The following NME9 variants were observed in gnomAD, a reference collection of about 807,000 sequenced individuals.
NME9 encodes NME/NM23 family member 9.
In NME9, 48 loss-of-function variants were observed where a neutral mutation model predicts 44.4. That is an observed-to-expected ratio of 1.08 (90% confidence interval 0.86 to 1.37). The LOEUF (loss-of-function observed/expected upper bound fraction) is 1.37, where lower values mean the gene tolerates loss of function less well. NME9 is among the 40% of genes most tolerant of loss of function. NME9 has a pLI of 0.00. For missense variants in NME9, 325 were observed against 405.2 expected (o/e 0.80, Z 1.70); for synonymous variants, 139 against 147.1 (o/e 0.94, Z 0.40).
rs574263976 is a variant in NME9, at chr3:138,267,376, G to A, written c.746-4790C>T. ...TTCGGAATTGTTTGATTGCATAGCG[G>A]TAGGGGTGTGCAAATAAATCATTCA... On this transcript the variant is annotated intron_variant, in intron 8 of 8. Coordinates refer to the NME9 transcript ENST00000317876. 1.9e-5 allele frequency: 10 copies of A among 517,550 alleles called. No individual in the cohort carries two copies. The East Asian group carries it at 3.1e-4, about 16-fold the overall frequency. 32.1% of individuals were successfully genotyped at this position (517,550 alleles called of 1,614,324 possible).
chr3:138,308,804 A>G (rs950840010), intron 6 of NME9, among the ~76,000 whole-genome samples: 2 of 152,176 alleles, frequency 1.3e-5, no homozygotes, highest in East Asian at 3.8e-4. Context: ...TTGACACAGT[A>G]TGTTTGAAGT....
intron 9 of NME9, 147 bp from the exon 10 acceptor site, chr3:138,303,790 G>A: frequency 1.4e-6 from 1 of 715,552 alleles, no homozygotes; most frequent in Non-Finnish European, 2.3e-6. Flanking sequence ...AAGAACAGCA[G>A]CAATGATAAT....
chr3:138,268,914 A>G (rs933228934), intron 8 of NME9, among the ~76,000 whole-genome samples: 46 of 152,218 alleles, frequency 3.0e-4, no homozygotes, highest in African/African-American at 1.1e-3. Flanking sequence ...TTAATTTATT[A>G]TTACCTTTCC....
At chr3:138,278,377 A>C (rs890019088) in intron 8 of NME9, among the ~76,000 whole-genome samples, 4 of 151,900 alleles carry the variant, frequency 2.6e-5, no homozygotes, top group African/African-American at 7.3e-5. Flanking sequence ...ATGGTCACGC[A>C]CCTGTAGTCC....
At chr3:138,296,001 G>A, downstream of NME9, 1 of 1,227,432 alleles carries the variant, frequency 8.1e-7, no homozygotes, top group Non-Finnish European at 1.1e-6. Context: ...TGGACTGCAG[G>A]GAGCTGTTTT....
chr3:138,279,442 A>G (rs2049651356), intron 8 of NME9, among the ~76,000 whole-genome samples: 1 of 152,118 alleles, frequency 6.6e-6, no homozygotes, highest in Non-Finnish European at 1.5e-5. Context: ...GTTAGATTCA[A>G]TTTACTGAAA....
At chr3:138,295,788 A>G in intron 8 of NME9, 1 of 1,555,680 alleles carries the variant, frequency 6.4e-7, no homozygotes, top group Non-Finnish European at 8.9e-7. Flanking sequence ...AGCTATCATC[A>G]TTGAACCATA....
intron 6 of NME9, among the ~76,000 whole-genome samples, chr3:138,311,873 C>T (rs186612870): frequency 1.3e-4 from 20 of 152,084 alleles, no homozygotes; most frequent in Non-Finnish European, 2.5e-4. Context: ...TCAAAGACCC[C>T]ACCAAAAAAC....
intron 8 of NME9, chr3:138,274,677 A>T: frequency 1.5e-6 from 1 of 652,180 alleles, no homozygotes. Flanking sequence ...AATAGGAAGA[A>T]ATATCTTCCA....
chr3:138,292,823 C>A (rs1414388492), intron 8 of NME9, among the ~76,000 whole-genome samples: 1 of 152,114 alleles, frequency 6.6e-6, no homozygotes, highest in Non-Finnish European at 1.5e-5. Flanking sequence ...GGACTAAGGA[C>A]CAAGATCTAG....
intron 4 of NME9, among the ~76,000 whole-genome samples, chr3:138,316,696 C>T (rs1016667234): frequency 1.3e-4 from 19 of 151,896 alleles, no homozygotes; most frequent in African/African-American, 3.6e-4. Context: ...CTCACTGCAA[C>T]CTCCGCCTCC....
intron 8 of NME9, among the ~76,000 whole-genome samples, chr3:138,280,153 C>G (rs1296191951): frequency 6.6e-6 from 1 of 152,108 alleles, no homozygotes; most frequent in Non-Finnish European, 1.5e-5. Context: ...ATCTGCCCAC[C>G]TCGGCCTCCC....
intron 6 of NME9, among the ~76,000 whole-genome samples, chr3:138,311,559 C>T (rs937454083): frequency 2.6e-5 from 4 of 152,106 alleles, no homozygotes; most frequent in Admixed American, 6.5e-5. Context: ...GGATTCATCC[C>T]AGGGATGTAA....
intron 8 of NME9, chr3:138,263,927 A>C: frequency 8.7e-7 from 1 of 1,152,962 alleles, no homozygotes; most frequent in Non-Finnish European, 1.3e-6. Context: ...TTCCTCAAAA[A>C]TCTGCTCAGG....
intron 8 of NME9, among the ~76,000 whole-genome samples, chr3:138,285,494 G>A (rs1186648677): frequency 1.3e-5 from 2 of 152,028 alleles, no homozygotes; most frequent in African/African-American, 4.8e-5. Flanking sequence ...TCCTTCCTTG[G>A]GACCTTCACA....
intron 8 of NME9, among the ~76,000 whole-genome samples, chr3:138,282,498 T>C (rs983521712): frequency 6.6e-6 from 1 of 151,916 alleles, no homozygotes; most frequent in African/African-American, 2.4e-5. Flanking sequence ...ATACAAAAAT[T>C]AGCTGGGCGT....
At chr3:138,264,043 A>T in intron 8 of NME9, 1 of 1,207,800 alleles carries the variant, frequency 8.3e-7, no homozygotes, top group Non-Finnish European at 1.2e-6. Context: ...CTTGAAGTGT[A>T]CATTAGTCAT....
downstream of NME9, chr3:138,300,981 A>G: frequency 4.6e-6 from 4 of 864,584 alleles, no homozygotes; most frequent in Non-Finnish European, 5.6e-6. Context: ...ATGGTTACCA[A>G]ATTAAGTTCT....
intron 6 of NME9, among the ~76,000 whole-genome samples, chr3:138,313,162 G>A (rs1196667570): frequency 5.3e-5 from 8 of 152,096 alleles, no homozygotes; most frequent in South Asian, 2.1e-4. Flanking sequence ...AGGCCAAGGC[G>A]GGTGGATCAC....
Sources: allele counts gnomAD v4.1 joint callset (sites outside exome capture counted in the v4.1 genomes callset), GRCh38; gene constraint gnomAD v4.1.1; transcripts MANE v1.5; gene names NCBI Gene and HGNC (gene_info 2026-07-23, HGNC 2026-07-21).